Variants in MTAP observed in about 807,000 individuals in gnomAD.
MTAP encodes the protein S-methyl-5'-thioadenosine phosphorylase.
Under a neutral mutation model 33.6 loss-of-function variants are expected in MTAP, and 33 were observed. The observed-to-expected ratio is 0.98, with a 90% CI of 0.74 to 1.31. The LOEUF (loss-of-function observed/expected upper bound fraction) is 1.31. Among genes scored for constraint, MTAP ranks in the 40% most tolerant of loss-of-function variants. MTAP has a pLI of 0.00. For missense variants in MTAP, 367 were observed against 360.0 expected, an observed-to-expected ratio of 1.02 and a Z score of -0.16; for synonymous variants, 148 against 125.7, an observed-to-expected ratio of 1.18 and a Z score of -1.19.
chr9:21,911,871 G>A (rs148215872), intron 1 of MTAP, among the ~76,000 whole-genome samples: 2,761 of 152,180 alleles, frequency 0.018, 45 homozygotes, highest in Admixed American at 0.029. Context: ...CAACAAAATT[G>A]ATGGACCACT....
At chr9:21,867,703 A>C (rs1318578771), downstream of MTAP, among the ~76,000 whole-genome samples, 3 of 88,892 alleles carry the variant, frequency 3.4e-5, no homozygotes, top group African/African-American at 1.1e-4. Flanking sequence ...AATAAACTTC[A>C]AAAAAAAAAA....
At chr9:21,935,949 T>G (rs1819035560), downstream of MTAP, 1 of 152,188 alleles carries the variant, frequency 6.6e-6, no homozygotes, top group Admixed American at 6.5e-5. Context: ...TTTGTTGATT[T>G]TGGACATCTA....
chr9:21,859,396 G>A lies in MTAP; in HGVS notation c.784G>A (p.Glu262Lys), dbSNP rs1440590492. The change falls in exon 7 of 8, where the codon GAA becomes AAA. Residue 262 changes from glutamate to lysine, a missense_variant. Physicochemically the swap from Glu to Lys is moderately conservative, Grantham distance 56. Coordinates refer to ENST00000644715, the MANE Select transcript of MTAP (RefSeq NM_002451.4). ...LTTIPQIGST[E>K]WSETLHNLKN... is the part of the protein sequence containing the mutation. ...TACCATACCTCAGATAGGGTCCACAGAATGGTCAGAAACCCTCCATAACCT... is the reference window on the plus strand; with the variant it reads ...TACCATACCTCAGATAGGGTCCACAAAATGGTCAGAAACCCTCCATAACCT... The A allele has an allele frequency of 6.2e-7, 1 of 1,613,330 alleles. No homozygotes were observed. The highest frequency in any genetic ancestry group is 2.2e-5 in the East Asian group (1 of 44,828).
chr9:21,841,956 C>T (rs78042180), intron 5 of MTAP, among the ~76,000 whole-genome samples: 3,938 of 152,178 alleles, frequency 0.026, 66 homozygotes, highest in Middle Eastern at 0.061. Flanking sequence ...ATAAGGAATT[C>T]AGAAGATTGG....
intron 1 of MTAP, among the ~76,000 whole-genome samples, chr9:21,923,026 C>T (rs1238244226): frequency 1.3e-5 from 2 of 152,210 alleles, no homozygotes; most frequent in Non-Finnish European, 2.9e-5. Flanking sequence ...TGTGTGCCCA[C>T]CACACTGTCT....
chr9:21,941,045 A>G (rs1819130002), downstream of MTAP: 1 of 969,382 alleles, frequency 1.0e-6, no homozygotes, highest in South Asian at 4.8e-5. Flanking sequence ...CTATAGTAAT[A>G]TTTGATTTTC....
chr9:21,870,561 G>A (rs140385394), downstream of MTAP, among the ~76,000 whole-genome samples: 171 of 152,160 alleles, frequency 1.1e-3, 1 homozygote, highest in African/African-American at 4.0e-3. Context: ...ATAGAAATAT[G>A]TGAGCCAATA....
chr9:21,939,614 A>G (rs1272553519), downstream of MTAP, among the ~76,000 whole-genome samples: 5 of 152,228 alleles, frequency 3.3e-5, no homozygotes, highest in African/African-American at 1.2e-4. Context: ...CTGTAATCCC[A>G]GCACTTTGGG....
intron 1 of MTAP, among the ~76,000 whole-genome samples, chr9:21,907,585 A>T (rs1818495982): frequency 6.6e-6 from 1 of 152,204 alleles, no homozygotes. Context: ...AATTATTTGT[A>T]TGTAATAAAC....
chr9:21,904,245 G>T (rs1385200883), intron 1 of MTAP, among the ~76,000 whole-genome samples: 2 of 152,182 alleles, frequency 1.3e-5, no homozygotes, highest in South Asian at 2.1e-4. Context: ...ACGTTCAGCC[G>T]CCTGTGTATC....
chr9:21,884,587 A>C (rs1485756660), intron 1 of MTAP, among the ~76,000 whole-genome samples: 1 of 152,192 alleles, frequency 6.6e-6, no homozygotes, highest in Non-Finnish European at 1.5e-5. Context: ...GTATTGGCAG[A>C]TGTGGTATGT....
chr9:21,814,600 T>C (rs1156974439), intron 1 of MTAP, among the ~76,000 whole-genome samples: 4 of 152,234 alleles, frequency 2.6e-5, no homozygotes, highest in Non-Finnish European at 5.9e-5. Flanking sequence ...TCTTTCTTAA[T>C]CATCAAATTA....
At chr9:21,840,388 C>T (rs10965158) in intron 5 of MTAP, among the ~76,000 whole-genome samples, 34,748 of 152,148 alleles carry the variant, frequency 0.23, 5,758 homozygotes, top group African/African-American at 0.47. Context: ...TGGCACACCA[C>T]TGCAAATTCT....
At chr9:21,920,072 G>A (rs1236559780) in intron 1 of MTAP, among the ~76,000 whole-genome samples, 2 of 152,092 alleles carry the variant, frequency 1.3e-5, no homozygotes, top group African/African-American at 4.8e-5. Flanking sequence ...TATTCTTGGG[G>A]CAAACAGGAA....
intron 1 of MTAP, among the ~76,000 whole-genome samples, chr9:21,908,146 G>A (rs1818504542): frequency 6.6e-6 from 1 of 151,944 alleles, no homozygotes; most frequent in Admixed American, 6.6e-5. Flanking sequence ...CTTAATCCTG[G>A]TAACCACTGA....
At chr9:21,843,350 G>C (rs1405308940) in intron 5 of MTAP, among the ~76,000 whole-genome samples, 2 of 152,124 alleles carry the variant, frequency 1.3e-5, no homozygotes, top group East Asian at 3.8e-4. Flanking sequence ...GCACTAGACA[G>C]GTCCTCAAGA....
At chr9:21,918,869 C>T (rs1350744256) in intron 1 of MTAP, among the ~76,000 whole-genome samples, 3 of 152,234 alleles carry the variant, frequency 2.0e-5, no homozygotes, top group East Asian at 1.9e-4. Context: ...TTAACTCTTC[C>T]CTTTATAAAT....
At chr9:21,837,418 G>T (rs1005779002) in intron 4 of MTAP, among the ~76,000 whole-genome samples, 25 of 152,136 alleles carry the variant, frequency 1.6e-4, no homozygotes, top group African/African-American at 4.8e-4. Flanking sequence ...AAGACATTGG[G>T]GAAATTTGCA....
intron 5 of MTAP, among the ~76,000 whole-genome samples, chr9:21,847,927 T>G (rs1242415567): frequency 1.3e-5 from 2 of 152,150 alleles, no homozygotes; most frequent in African/African-American, 4.8e-5. Flanking sequence ...TGAAAATAAA[T>G]GGGACCCTGC....
Sources: allele counts gnomAD v4.1 joint callset (sites outside exome capture counted in the v4.1 genomes callset), GRCh38; gene constraint gnomAD v4.1.1; transcripts MANE v1.5; gene names NCBI Gene and HGNC (gene_info 2026-07-23, HGNC 2026-07-21).